The following ARHGAP42 variants were observed in gnomAD, a reference collection of about 807,000 sequenced individuals.
The protein encoded by ARHGAP42 is Rho GTPase activating protein 42.
ARHGAP42 carries 63 observed loss-of-function variants against 125.0 expected under a neutral mutation model. The observed-to-expected ratio is 0.50, with a 90% CI of 0.41 to 0.62. The LOEUF is 0.62. Among genes scored for constraint, ARHGAP42 ranks in the 20% least tolerant of loss-of-function variants. The pLI, the probability that ARHGAP42 is intolerant of heterozygous loss-of-function variation, is 0.00. For synonymous variants in ARHGAP42, 339 were observed against 351.0 expected (o/e 0.97, Z 0.38); for missense variants, 766 against 1,024.2 (o/e 0.75, Z 3.44).
chr11:100,692,738 T>C (rs1414657201), intron 1 of ARHGAP42, among the ~76,000 whole-genome samples: 4 of 152,150 alleles, frequency 2.6e-5, no homozygotes, highest in Non-Finnish European at 5.9e-5. Flanking sequence ...CTTAAAGGTG[T>C]CTACCCTGAG....
intron 1 of ARHGAP42, among the ~76,000 whole-genome samples, chr11:100,744,072 G>A (rs373842376): frequency 6.6e-5 from 10 of 152,316 alleles, no homozygotes; most frequent in African/African-American, 2.4e-4. Flanking sequence ...CCATGTTCAA[G>A]TGATTCTCCT....
chr11:100,790,760 C>T (rs1434103512), intron 2 of ARHGAP42, among the ~76,000 whole-genome samples: 5 of 152,152 alleles, frequency 3.3e-5, no homozygotes, highest in Non-Finnish European at 4.4e-5. Flanking sequence ...TGGAATATAT[C>T]TCTGACTAAA....
At chr11:100,936,447 T>C (rs549875660) in intron 8 of ARHGAP42, 115 bp downstream of exon 8, 69 of 1,365,378 alleles carry the variant, frequency 5.1e-5, no homozygotes, top group Admixed American at 7.7e-5. Context: ...TATAGCTTTA[T>C]ATCTACTTTC....
At position 100,992,833 on chromosome 11, in the gene ARHGAP42, A is replaced by G; in HGVS notation, c.*4032A>G. 9.9e-7 allele frequency: 1 copy of G among 1,010,664 alleles called. No individual in the cohort carries two copies. Among genetic ancestry groups the G allele is most frequent in the Non-Finnish European group, 1.4e-6 (1 of 690,708 alleles). The allele number at this position is 1,010,664 out of a possible 1,614,324, so 62.6% of individuals were successfully genotyped here. A position where few individuals can be genotyped will look rare whatever the true frequency, so the allele number is the denominator to read the frequency against. ...ACAGTAAGCCATTGGCAGAAAATTG[A>G]TCTGCATGTCCTAGACCAATGATTA... is the stretch of plus-strand genomic sequence containing the variant. On this transcript the variant is annotated 3_prime_UTR_variant, in exon 24 of 24. Transcript: ENST00000298815.
chr11:100,749,658 G>A (rs1425005951), intron 1 of ARHGAP42, among the ~76,000 whole-genome samples: 1 of 152,104 alleles, frequency 6.6e-6, no homozygotes, highest in Non-Finnish European at 1.5e-5. Flanking sequence ...TAGTGTTTCC[G>A]ATAGGCGTAC....
At chr11:100,739,991 T>G (rs1236307142) in intron 1 of ARHGAP42, among the ~76,000 whole-genome samples, 1 of 152,194 alleles carries the variant, frequency 6.6e-6, no homozygotes, top group Non-Finnish European at 1.5e-5. Flanking sequence ...GTGATTTGTT[T>G]TTTGCGTGTT....
At chr11:100,897,902 CA>C (rs1866408834) in intron 4 of ARHGAP42, among the ~76,000 whole-genome samples, 1 of 152,176 alleles carries the variant, frequency 6.6e-6, no homozygotes, top group South Asian at 2.1e-4. Flanking sequence ...TGAGAGAGGG[CA>C]TCCTTGTCCT....
intron 1 of ARHGAP42, among the ~76,000 whole-genome samples, chr11:100,710,258 CA>C (rs1565536971): frequency 6.6e-6 from 1 of 152,048 alleles, no homozygotes. Flanking sequence ...GACAGAGTCT[CA>C]CTCCATCTCC....
chr11:100,707,645 G>A (rs1283252886), intron 1 of ARHGAP42, among the ~76,000 whole-genome samples: 1 of 152,188 alleles, frequency 6.6e-6, no homozygotes, highest in East Asian at 1.9e-4. Flanking sequence ...AAGGACGAAA[G>A]AGGTGAAGGA....
At chr11:100,925,227 C>G (rs2135249613) in intron 6 of ARHGAP42, among the ~76,000 whole-genome samples, 1 of 151,986 alleles carries the variant, frequency 6.6e-6, no homozygotes, top group East Asian at 1.9e-4. Flanking sequence ...CTGTTGATTT[C>G]TAGACCCACC....
chr11:100,896,470 T>C (rs957838924), intron 4 of ARHGAP42, among the ~76,000 whole-genome samples: 1 of 152,208 alleles, frequency 6.6e-6, no homozygotes, highest in African/African-American at 2.4e-5. Context: ...TGTAAAAGCT[T>C]TCCTATTTCT....
chr11:100,890,620 G>A (rs1446699069), intron 4 of ARHGAP42, among the ~76,000 whole-genome samples: 4 of 152,058 alleles, frequency 2.6e-5, no homozygotes, highest in Admixed American at 6.5e-5. Context: ...ACATTATATC[G>A]AATAGATATA....
intron 4 of ARHGAP42, among the ~76,000 whole-genome samples, chr11:100,903,117 G>GCGCGCACACACACACACACACACA (rs373508179): frequency 1.5e-5 from 2 of 131,940 alleles, no homozygotes; most frequent in South Asian, 2.7e-4. Flanking sequence ...TCCAAGATGC[G>GCGCGCACACACACACACACACACA]CACACACACA....
At position 100,961,033 on chromosome 11, in the gene ARHGAP42, T is replaced by C. The variant is rs1300679458; in HGVS notation, c.1300+44T>C. 4 of 1,372,568 alleles carry C rather than the reference T, an allele frequency of 2.9e-6. No homozygotes were observed. In the African/African-American group the frequency reaches 4.4e-5, roughly 15 times the overall value. 85.0% of individuals were successfully genotyped at this position (1,372,568 alleles called of 1,614,324 possible). A position where few individuals can be genotyped will look rare whatever the true frequency, so the allele number is the denominator to read the frequency against. ...AACTTACATAATTTTTGTGTTCTTA[T>C]AGGTAATCTAAAGTATGGACTTCTT... On this transcript the variant is annotated intron_variant, in intron 14 of 23. Coordinates refer to ENST00000298815, the MANE Select transcript of ARHGAP42 (RefSeq NM_152432.4).
intron 4 of ARHGAP42, among the ~76,000 whole-genome samples, chr11:100,869,085 GACA>G (rs1015710428): frequency 6.6e-6 from 1 of 151,922 alleles, no homozygotes; most frequent in Non-Finnish European, 1.5e-5. Context: ...TCAGCACGGA[GACA>G]ACAACAACAA....
intron 22 of ARHGAP42, among the ~76,000 whole-genome samples, chr11:100,984,665 G>A (rs1858629124): frequency 6.6e-6 from 1 of 151,912 alleles, no homozygotes; most frequent in Non-Finnish European, 1.5e-5. Context: ...GAGGAATGAG[G>A]CTGGTGGGCA....
intron 1 of ARHGAP42, among the ~76,000 whole-genome samples, chr11:100,759,722 G>A (rs921518459): frequency 6.6e-6 from 1 of 152,128 alleles, no homozygotes. Flanking sequence ...TGGGGACATA[G>A]CCCAAACTGG....
intron 4 of ARHGAP42, among the ~76,000 whole-genome samples, chr11:100,905,565 C>T (rs1307037507): frequency 6.6e-6 from 1 of 152,154 alleles, no homozygotes; most frequent in Non-Finnish European, 1.5e-5. Context: ...CATAGGTGAA[C>T]CATATCAGAT....
Position 100,788,072 on chromosome 11 carries a change from C to T in ARHGAP42, c.251-7033C>T, listed in dbSNP as rs141779797. ...ACTGTGCATTTCTTATTTCCTAATA[C>T]TTAATTAGGAACTATGCTATGATAT... is the stretch of plus-strand genomic sequence containing the variant. On this transcript the variant is annotated intron_variant, in intron 2 of 23. Transcript: ENST00000298815. Among the ~76,000 whole-genome samples the T allele has an allele frequency of 3.3e-3, 507 of 152,230 alleles. 2 individuals carry two copies. The highest frequency in any genetic ancestry group is 0.012 in the African/African-American group (479 of 41,542).
Sources: allele counts gnomAD v4.1 joint callset (sites outside exome capture counted in the v4.1 genomes callset), GRCh38; gene constraint gnomAD v4.1.1; transcripts MANE v1.5; gene names NCBI Gene and HGNC (gene_info 2026-07-23, HGNC 2026-07-21).